Variants in CTBP2 observed in about 807,000 individuals in gnomAD.
CTBP2 encodes the protein C-terminal binding protein 2, also known as C-terminal-binding protein 2.
In CTBP2, 30 loss-of-function variants were observed where a neutral mutation model predicts 80.3. The observed-to-expected ratio is 0.37, with a 90% CI of 0.28 to 0.51. CTBP2 has a LOEUF of 0.51. CTBP2 is among the 20% of genes least tolerant of loss of function. The pLI is 0.93. For synonymous variants in CTBP2, 594 were observed against 587.4 expected (o/e 1.01, Z -0.16); for missense variants, 1,212 against 1,375.3 (o/e 0.88, Z 1.88).
intron 2 of CTBP2, among the ~76,000 whole-genome samples, chr10:125,074,589 G>A (rs1020972215): frequency 6.6e-6 from 1 of 152,156 alleles, no homozygotes; most frequent in African/African-American, 2.4e-5. Flanking sequence ...CAGGTGATCC[G>A]CCCGCCTCGG....
At chr10:124,990,747 AATGACTGGGTC>A (rs1952500276) in intron 8 of CTBP2, among the ~76,000 whole-genome samples, 1 of 152,198 alleles carries the variant, frequency 6.6e-6, no homozygotes, top group South Asian at 2.1e-4. Flanking sequence ...TGGGTGAGGA[AATGACTGGGTC>A]ATGAATGGGA....
At chr10:125,022,114 C>A (rs1215329645) in intron 1 of CTBP2, among the ~76,000 whole-genome samples, 1 of 152,260 alleles carries the variant, frequency 6.6e-6, no homozygotes, top group Non-Finnish European at 1.5e-5. Context: ...TCCATCTGCC[C>A]CACGCCGGCC....
At chr10:125,140,563 C>T (rs1485637932) in intron 1 of CTBP2, among the ~76,000 whole-genome samples, 1 of 152,238 alleles carries the variant, frequency 6.6e-6, no homozygotes, top group Non-Finnish European at 1.5e-5. Flanking sequence ...TGGCTCACGC[C>T]TGTAATCTCA....
chr10:125,004,238 G>A (rs1381926331), intron 1 of CTBP2, among the ~76,000 whole-genome samples: 1 of 152,124 alleles, frequency 6.6e-6, no homozygotes. Flanking sequence ...GGACCAGCGC[G>A]GCTGCATCTA....
rs567017905 is a variant in CTBP2, at chr10:125,060,726, G to C, written c.-101-21571C>G. Among the ~76,000 whole-genome samples, 46 of 152,346 alleles carry C rather than the reference G, an allele frequency of 3.0e-4. 1 individual carries two copies. In the South Asian group the frequency reaches 9.5e-3, roughly 32 times the overall value. ...CAGGAGAGAGGGGAAGCCAAGAGGAGAGATTGCAGATGGATAAAGAAGTTT... is the reference window on the plus strand; with the variant it reads ...CAGGAGAGAGGGGAAGCCAAGAGGACAGATTGCAGATGGATAAAGAAGTTT... On this transcript the variant is annotated intron_variant, in intron 2 of 10. Coordinates refer to the CTBP2 transcript ENST00000337195.
At chr10:124,989,754 T>G in intron 8 of CTBP2, 56 bp from the exon 11 acceptor site, 12 of 1,477,106 alleles carry the variant, frequency 8.1e-6, no homozygotes, top group South Asian at 1.4e-5. Flanking sequence ...TGCCAAGCTC[T>G]TGGCTCTTCT....
At chr10:125,113,654 A>G (rs779098275) in intron 1 of CTBP2, among the ~76,000 whole-genome samples, 2 of 152,238 alleles carry the variant, frequency 1.3e-5, no homozygotes, top group Non-Finnish European at 2.9e-5. Context: ...AGCAATGACT[A>G]TAACATTACT....
At chr10:125,018,296 G>A (rs140017667) in intron 1 of CTBP2, among the ~76,000 whole-genome samples, 7 of 152,266 alleles carry the variant, frequency 4.6e-5, no homozygotes, top group Non-Finnish European at 8.8e-5. Context: ...AGGCTGAGGC[G>A]GGGGGATCAC....
At chr10:125,096,456 T>C (rs1849558892) in intron 2 of CTBP2, among the ~76,000 whole-genome samples, 1 of 152,202 alleles carries the variant, frequency 6.6e-6, no homozygotes, top group Non-Finnish European at 1.5e-5. Flanking sequence ...ATACTTCCTA[T>C]TTCCCAGCTC....
intron 1 of CTBP2, 88 bp from the exon 4 acceptor site, chr10:125,003,580 G>A: frequency 8.8e-7 from 1 of 1,131,698 alleles, no homozygotes; most frequent in South Asian, 1.8e-5. Flanking sequence ...ATCACTCAGG[G>A]CAGGGCTTGG....
chr10:125,098,684 G>T (rs78358710), intron 2 of CTBP2, among the ~76,000 whole-genome samples: 1 of 124,100 alleles, frequency 8.1e-6, no homozygotes, highest in African/African-American at 3.2e-5. Flanking sequence ...GAGAGAGAGA[G>T]AGAGAGAGAG....
In CTBP2 at chr10:125,013,149, A is replaced by G. The variant is rs188038413; in HGVS notation, c.1679-9657T>C. 1.7e-3 allele frequency among the ~76,000 whole-genome samples: 265 copies of G among 152,288 alleles called. 2 individuals are homozygous for G. The highest frequency in any genetic ancestry group is 6.1e-3 in the African/African-American group (255 of 41,582). On this transcript the variant is annotated intron_variant, in intron 1 of 8. Transcript: ENST00000309035. ...TATGAGATTCTCAGTTCAAAGGCCC[A>G]AGCTCCGAGTTGTGAGGTGGTCTGG... is the stretch of plus-strand genomic sequence containing the variant.
chr10:125,049,042 CACAG>C (rs1295410852), intron 2 of CTBP2, among the ~76,000 whole-genome samples: 2 of 61,494 alleles, frequency 3.3e-5, no homozygotes, highest in Admixed American at 1.8e-4. Flanking sequence ...CCCGCCTGAC[CACAG>C]ACACACACAC....
intron 1 of CTBP2, among the ~76,000 whole-genome samples, chr10:125,024,726 A>T (rs1957372288): frequency 6.6e-6 from 1 of 152,242 alleles, no homozygotes; most frequent in Non-Finnish European, 1.5e-5. Context: ...AACAAATGTC[A>T]TCGCCATGCA....
At chr10:125,123,771 G>A (rs1285205736) in intron 1 of CTBP2, among the ~76,000 whole-genome samples, 2 of 152,222 alleles carry the variant, frequency 1.3e-5, no homozygotes, top group Non-Finnish European at 2.9e-5. Flanking sequence ...TGGCAGAGAT[G>A]CTCGTGCTAC....
intron 1 of CTBP2, among the ~76,000 whole-genome samples, chr10:125,013,786 G>C (rs114428750): frequency 0.014 from 2,103 of 152,224 alleles, 48 homozygotes; most frequent in African/African-American, 0.048. Flanking sequence ...TGCAACCCCA[G>C]GGTCCACCGC....
intron 1 of CTBP2, among the ~76,000 whole-genome samples, chr10:125,014,928 A>T (rs987346493): frequency 1.3e-5 from 2 of 152,206 alleles, no homozygotes; most frequent in African/African-American, 2.4e-5. Flanking sequence ...CTCACCTCCA[A>T]GCGAATAAAA....
chr10:125,052,795 T>C (rs763506724), intron 2 of CTBP2, among the ~76,000 whole-genome samples: 1 of 152,206 alleles, frequency 6.6e-6, no homozygotes, highest in Non-Finnish European at 1.5e-5. Context: ...CACATTCCCA[T>C]GGGAGCCCAG....
At chr10:124,994,043 A>G (rs1469742647) in intron 5 of CTBP2, 58 bp from the exon 8 acceptor site, 19 of 1,601,260 alleles carry the variant, frequency 1.2e-5, no homozygotes, top group Non-Finnish European at 1.5e-5. Context: ...AGACTCTTGT[A>G]CCAAGGTTTA....
Sources: allele counts gnomAD v4.1 joint callset (sites outside exome capture counted in the v4.1 genomes callset), GRCh38; gene constraint gnomAD v4.1.1; transcripts MANE v1.5; gene names NCBI Gene and HGNC (gene_info 2026-07-23, HGNC 2026-07-21).